Variants in MCPH1 observed in about 807,000 individuals in gnomAD.
MCPH1 encodes the protein microcephalin 1.
Under a neutral mutation model 84.5 loss-of-function variants are expected in MCPH1, and 104 were observed. That is an observed-to-expected ratio of 1.23 (90% CI 1.05 to 1.45). MCPH1 has a LOEUF of 1.45. Among genes scored for constraint, MCPH1 ranks in the 40% most tolerant of loss-of-function variants. The pLI is 0.00. For synonymous variants in MCPH1, 514 were observed against 366.8 expected (o/e 1.40, Z -4.58); for missense variants, 1,498 against 1,005.7 (o/e 1.49, Z -6.62).
In MCPH1 at chr8:6,445,672, A is replaced by G. The variant is rs890315454; in HGVS notation, c.1825+125A>G. On this transcript the variant is annotated intron_variant, in intron 8 of 13. Transcript: ENST00000344683. ...CATTTACTCCTCTTTTTACTTAAAG[A>G]ATGTGCATTTGATCATTCCAATGAT... 4.1e-5 allele frequency: 60 copies of G among 1,450,934 alleles called. No individual in the cohort carries two copies. The African/African-American group carries it at 7.6e-4, about 18-fold the overall frequency. The allele number at this position is 1,450,934 out of a possible 1,614,324, so 89.9% of individuals were successfully genotyped here.
intron 12 of MCPH1, among the ~76,000 whole-genome samples, chr8:6,589,300 G>A (rs1828257414): frequency 7.7e-6 from 1 of 130,504 alleles, no homozygotes; most frequent in African/African-American, 2.6e-5. Context: ...TATGGGAATT[G>A]TTTCCAGTAA....
chr8:6,605,313 T>C (rs904659240), intron 12 of MCPH1, among the ~76,000 whole-genome samples: 5 of 152,320 alleles, frequency 3.3e-5, no homozygotes, highest in South Asian at 2.1e-4. Context: ...TCCTGTTCGC[T>C]TGGGACTCAC....
intron 12 of MCPH1, among the ~76,000 whole-genome samples, chr8:6,612,738 T>G (rs73511060): frequency 4.6e-5 from 7 of 152,214 alleles, no homozygotes; most frequent in Non-Finnish European, 1.0e-4. Context: ...ATCTGCACTT[T>G]CCATGTCCTG....
intron 12 of MCPH1, among the ~76,000 whole-genome samples, chr8:6,601,642 CACAT>C (rs1829373881): frequency 6.6e-6 from 1 of 151,518 alleles, no homozygotes; most frequent in Non-Finnish European, 1.5e-5. Context: ...ACCATACATA[CACAT>C]ACACACAACA....
intron 12 of MCPH1, among the ~76,000 whole-genome samples, chr8:6,564,012 C>T (rs1044738041): frequency 4.4e-5 from 6 of 136,198 alleles, no homozygotes; most frequent in East Asian, 2.1e-4. Context: ...GACGGAGTCT[C>T]GCTCTGTCGA....
intron 12 of MCPH1, among the ~76,000 whole-genome samples, chr8:6,554,246 T>A (rs1306085677): frequency 6.6e-6 from 1 of 150,736 alleles, no homozygotes; most frequent in Non-Finnish European, 1.5e-5. Context: ...GCCCAGGTGG[T>A]CTGGACTAAA....
intron 6 of MCPH1, among the ~76,000 whole-genome samples, chr8:6,441,184 G>C (rs1195785734): frequency 1.3e-5 from 2 of 152,246 alleles, no homozygotes; most frequent in East Asian, 3.8e-4. Context: ...TTAAGAAGAA[G>C]TGAGAATGGA....
At chr8:6,568,115 G>T (rs1586662629) in intron 12 of MCPH1, among the ~76,000 whole-genome samples, 1 of 152,176 alleles carries the variant, frequency 6.6e-6, no homozygotes, top group Admixed American at 6.5e-5. Context: ...CCAGAAAGAG[G>T]CCAGTGTTAC....
At chr8:6,495,023 A>G (rs943649878) in intron 11 of MCPH1, among the ~76,000 whole-genome samples, 1 of 152,230 alleles carries the variant, frequency 6.6e-6, no homozygotes, top group Non-Finnish European at 1.5e-5. Context: ...TCTTGATGTT[A>G]TGAGATGTGT....
chr8:6,455,339 T>A, intron 9 of MCPH1, 87 bp downstream of exon 9: 1 of 957,732 alleles, frequency 1.0e-6, no homozygotes, highest in Non-Finnish European at 1.7e-6. Context: ...TAAACCAGTC[T>A]ATCTGACTTG....
At chr8:6,540,582 C>T (rs932645223) in intron 12 of MCPH1, among the ~76,000 whole-genome samples, 1 of 152,228 alleles carries the variant, frequency 6.6e-6, no homozygotes, top group Admixed American at 6.5e-5. Flanking sequence ...TACAGTGCAA[C>T]AGACGTTGTC....
intron 12 of MCPH1, among the ~76,000 whole-genome samples, chr8:6,585,637 A>G (rs1055334849): frequency 2.0e-5 from 3 of 152,100 alleles, no homozygotes; most frequent in Non-Finnish European, 4.4e-5. Context: ...CATCACTTTC[A>G]CCTTAGTCAT....
intron 12 of MCPH1, chr8:6,509,172 G>T (rs759123482): frequency 5.1e-6 from 7 of 1,367,670 alleles, no homozygotes; most frequent in East Asian, 2.3e-5. Flanking sequence ...TTCTGTACTC[G>T]TTAATGGACT....
At chr8:6,457,707 C>T (rs553624052) in intron 9 of MCPH1, among the ~76,000 whole-genome samples, 51 of 152,278 alleles carry the variant, frequency 3.3e-4, no homozygotes, top group Admixed American at 1.1e-3. Context: ...GTGGAGGGGA[C>T]GAACACCTAG....
At position 6,445,270 on chromosome 8, in the gene MCPH1, A is replaced by C; in HGVS notation, c.1548A>C (p.Glu516Asp). 6.2e-7 allele frequency: 1 copy of C among 1,614,208 alleles called. No individual in the cohort carries two copies. The highest frequency in any genetic ancestry group is 8.5e-7 in the Non-Finnish European group (1 of 1,180,032). ...GGTGTTGTAGACAGGCTGGGAAAGA[A>C]GACGCATGCCCAGAGGGAAATGGCT... is the stretch of plus-strand genomic sequence containing the variant. ...ALRCCRQAGK[E>D]DACPEGNGFS... Residue 516 changes from glutamate to aspartate, a missense_variant, in exon 8 of 14, where the codon GAA becomes GAC. Transcript: ENST00000344683.
At chr8:6,618,244 G>C (rs944936095) in intron 12 of MCPH1, among the ~76,000 whole-genome samples, 2 of 152,252 alleles carry the variant, frequency 1.3e-5, no homozygotes, top group Admixed American at 6.5e-5. Flanking sequence ...GATACAATGA[G>C]AACACCGCCT....
chr8:6,414,112 A>G (rs971982786), intron 2 of MCPH1, among the ~76,000 whole-genome samples: 3 of 151,794 alleles, frequency 2.0e-5, no homozygotes, highest in African/African-American at 4.8e-5. Context: ...CTTATTTTCA[A>G]CCTTCTTACT....
At chr8:6,505,555 TTATATA>T (rs1199477988) in intron 12 of MCPH1, among the ~76,000 whole-genome samples, 1 of 102,006 alleles carries the variant, frequency 9.8e-6, no homozygotes, top group African/African-American at 3.8e-5. Context: ...TATATATACT[TTATATA>T]TGTATATATA....
At chr8:6,589,938 G>T (rs1055370634) in intron 12 of MCPH1, among the ~76,000 whole-genome samples, 13 of 152,174 alleles carry the variant, frequency 8.5e-5, no homozygotes, top group African/African-American at 3.1e-4. Flanking sequence ...ATTCATAAAA[G>T]ACTAGTTTTA....
Sources: gnomAD v4.1 joint callset for allele counts (sites outside exome capture counted in the v4.1 genomes callset) on GRCh38, gnomAD v4.1.1 for gene constraint, MANE v1.5 for transcripts, NCBI Gene and HGNC (gene_info 2026-07-23, HGNC 2026-07-21) for gene names.